JAKMIP1: variants seen among roughly 807,000 people sequenced by gnomAD.
JAKMIP1 encodes the protein janus kinase and microtubule interacting protein 1, also known as janus kinase and microtubule-interacting protein 1.
Under a neutral mutation model 113.0 loss-of-function variants are expected in JAKMIP1, and 33 were observed. The observed-to-expected ratio is 0.29, with a 90% CI of 0.22 to 0.39. The LOEUF is 0.39. JAKMIP1 is among the 10% of genes least tolerant of loss of function. The probability of loss-of-function intolerance (pLI) is 1.00; values close to 1 mark genes in which losing one functional copy is unlikely to be tolerated. For missense variants in JAKMIP1, 813 were observed against 1,080.5 expected, an observed-to-expected ratio of 0.75 and a Z score of 3.47; for synonymous variants, 480 against 459.9, an observed-to-expected ratio of 1.04 and a Z score of -0.56.
At position 6,094,469 on chromosome 4, in the gene JAKMIP1, G is replaced by A. The variant is rs1722531913; in HGVS notation, c.625-8840C>T. 6.6e-6 allele frequency among the ~76,000 whole-genome samples: 1 copy of A among 152,168 alleles called. No individual in the cohort carries two copies. The highest frequency in any genetic ancestry group is 2.4e-5 in the African/African-American group (1 of 41,452). On this transcript the variant is annotated intron_variant, in intron 3 of 20. Transcript: ENST00000409021. This position sits in a 1 kb window ranked among gnomAD's most constrained non-coding sequence, Gnocchi z 4.2. ...GTGAGAGGGCTTGGCAGACAGGCAT[G>A]GGAGTAAACAAACCTACCAACCTCC...
At position 6,140,230 on chromosome 4, in the gene JAKMIP1, C is replaced by A. The variant is rs1042126755; in HGVS notation, c.-147-27233G>T. On this transcript the variant is annotated intron_variant, in intron 1 of 20. Transcript: ENST00000409021. This position sits in a 1 kb window ranked among gnomAD's most constrained non-coding sequence, Gnocchi z 9.4. ...TCTCCACCCGGACATTTGGGCTGCT[C>A]CCTATTTTTCTTTTTTCCTCTTTTT... Among the ~76,000 whole-genome samples the A allele has an allele frequency of 2.0e-5, 3 of 151,770 alleles. No homozygotes were observed. Among genetic ancestry groups the A allele is most frequent in the Non-Finnish European group, 2.9e-5 (2 of 67,960 alleles).
At chr4:6,056,046 G>C (rs34477846) in intron 12 of JAKMIP1, among the ~76,000 whole-genome samples, 8,154 of 133,986 alleles carry the variant, frequency 0.061, 654 homozygotes, top group African/African-American at 0.19. Context: ...ATTTCTGCAG[G>C]GTGTCCCCAG....
chr4:6,118,022 T>C (rs7668050), intron 1 of JAKMIP1, among the ~76,000 whole-genome samples: 151,465 of 152,312 alleles, frequency 0.99, 75,317 homozygotes, highest in Middle Eastern at 1. Context: ...AGACGATACA[T>C]ATCCTTCTTG....
intron 2 of JAKMIP1, among the ~76,000 whole-genome samples, chr4:6,109,355 G>T (rs376808337): frequency 2.0e-5 from 3 of 151,534 alleles, no homozygotes; most frequent in Non-Finnish European, 4.4e-5. Context: ...GGATGGTCTC[G>T]ATCTCCTGAC....
chr4:6,167,870 A>G lies in JAKMIP1; in HGVS notation c.-148+32383T>C, dbSNP rs1486709521. Reference sequence around the variant, plus strand: ...TGCTTCGGTTTAGAGCATGCCAGAAATCAGAGCTGGCTAGGACCAGTCAGG... The same window carrying G: ...TGCTTCGGTTTAGAGCATGCCAGAAGTCAGAGCTGGCTAGGACCAGTCAGG... On this transcript the variant is annotated intron_variant, in intron 1 of 20. Coordinates refer to ENST00000409021, the MANE Select transcript of JAKMIP1 (RefSeq NM_001099433.2). The surrounding 1 kb of genome is among the most constrained non-coding windows in gnomAD (Gnocchi z 5.3). Among the ~76,000 whole-genome samples the G allele has an allele frequency of 6.6e-6, 1 of 152,250 alleles. No homozygotes were observed. The highest frequency in any genetic ancestry group is 1.5e-5 in the Non-Finnish European group (1 of 68,042).
At chr4:6,066,299 CAAGG>C (rs1718070431) in intron 8 of JAKMIP1, among the ~76,000 whole-genome samples, 1 of 152,138 alleles carries the variant, frequency 6.6e-6, no homozygotes, top group Non-Finnish European at 1.5e-5. Context: ...AGACATAAGG[CAAGG>C]AAGAAGATGC....
Position 6,157,300 on chromosome 4 carries a change from T to A in JAKMIP1, c.-148+42953A>T, listed in dbSNP as rs1009791636. Among the ~76,000 whole-genome samples, 40 of 152,140 alleles carry A rather than the reference T, an allele frequency of 2.6e-4. No homozygotes were observed. Among genetic ancestry groups the A allele is most frequent in the African/African-American group, 9.2e-4 (38 of 41,428 alleles). ...CAAAATGGACTAAGACGAGTGCACC[T>A]GGGCAGGTTACTCCCTCTGCAAAAA... On this transcript the variant is annotated intron_variant, in intron 1 of 20. Coordinates refer to ENST00000409021, the MANE Select transcript of JAKMIP1 (RefSeq NM_001099433.2). This position sits in a 1 kb window ranked among gnomAD's most constrained non-coding sequence, Gnocchi z 4.7.
Position 6,046,815 on chromosome 4 carries a change from G to A in JAKMIP1, c.2028+2042C>T, listed in dbSNP as rs80351144. Among the ~76,000 whole-genome samples, 181 of 152,292 alleles carry A rather than the reference G, an allele frequency of 1.2e-3. 1 individual carries two copies. In the East Asian group the frequency reaches 0.012, roughly 10 times the overall value. ...GCGTGGGGAGGGGTACATCAGGAAC[G>A]GCTCAGGTGGGAGAACTCAGCGCCC... On this transcript the variant is annotated intron_variant, in intron 16 of 20. Transcript: ENST00000409021.
intron 3 of JAKMIP1, among the ~76,000 whole-genome samples, chr4:6,090,193 G>C (rs1472657797): frequency 3.3e-5 from 5 of 151,778 alleles, no homozygotes; most frequent in African/African-American, 1.2e-4. Context: ...CTGCACTCCA[G>C]CCTGGGTGAC....
Position 6,108,988 on chromosome 4 carries a change from G to A in JAKMIP1, c.130-3021C>T, listed in dbSNP as rs980199918. Among the ~76,000 whole-genome samples the A allele has an allele frequency of 7.2e-5, 11 of 152,232 alleles. No homozygotes were observed. Among genetic ancestry groups the A allele is most frequent in the African/African-American group, 1.7e-4 (7 of 41,454 alleles). The stretch of plus-strand genomic sequence containing the variant: ...GAGAGGGCCTAGAAACAATGACACC[G>A]CAGCAGTGATGGGCACGCCTGGTGC... On this transcript the variant is annotated intron_variant, in intron 2 of 20. Transcript: ENST00000409021. The surrounding 1 kb of genome is among the most constrained non-coding windows in gnomAD (Gnocchi z 5.6).
At chr4:6,149,814 C>T (rs982318967) in intron 1 of JAKMIP1, among the ~76,000 whole-genome samples, 2 of 152,018 alleles carry the variant, frequency 1.3e-5, no homozygotes, top group Non-Finnish European at 2.9e-5. Flanking sequence ...CGCCCAGGCT[C>T]GAAAGCATCT....
chr4:6,079,377 T>C (rs1020373650), intron 7 of JAKMIP1, among the ~76,000 whole-genome samples: 1 of 151,336 alleles, frequency 6.6e-6, no homozygotes, highest in Non-Finnish European at 1.5e-5. Flanking sequence ...GATGGATGGG[T>C]GAAAGGAAGA....
In JAKMIP1 at chr4:6,040,084, C is replaced by T. The variant is rs554544751; in HGVS notation, c.2175+555G>A. Among the ~76,000 whole-genome samples, 5 of 152,322 alleles carry T rather than the reference C, an allele frequency of 3.3e-5. No individual in the cohort carries two copies. The highest frequency in any genetic ancestry group is 4.1e-4 in the South Asian group (2 of 4,822). On this transcript the variant is annotated intron_variant, in intron 18 of 20. Transcript: ENST00000409021. This position sits in a 1 kb window ranked among gnomAD's most constrained non-coding sequence, Gnocchi z 5.8. Reference sequence around the variant, plus strand: ...CTCCACCCCGAAGGAGAATTTCTCTCGTGCCAGGAGCACTTAGCTTTGAGT... The same window carrying T: ...CTCCACCCCGAAGGAGAATTTCTCTTGTGCCAGGAGCACTTAGCTTTGAGT...
intron 1 of JAKMIP1, among the ~76,000 whole-genome samples, chr4:6,190,169 G>T (rs1727091931): frequency 6.7e-6 from 1 of 150,328 alleles, no homozygotes; most frequent in South Asian, 2.2e-4. Flanking sequence ...GGTTCATGGG[G>T]GAAATGATGG....
Position 6,155,863 on chromosome 4 carries a change from G to A in JAKMIP1, c.-147-42866C>T, listed in dbSNP as rs1260823426. Among the ~76,000 whole-genome samples the A allele has an allele frequency of 6.6e-6, 1 of 152,140 alleles. No individual in the cohort carries two copies. Among genetic ancestry groups the A allele is most frequent in the Non-Finnish European group, 1.5e-5 (1 of 68,032 alleles). ...GGTCCTGCCCTAGACCTCATGAATG[G>A]CACTCTCTAGAGGTGGGGCCTGGCA... On this transcript the variant is annotated intron_variant, in intron 1 of 20. Transcript: ENST00000409021. The surrounding 1 kb of genome is among the most constrained non-coding windows in gnomAD (Gnocchi z 6.1).
In JAKMIP1 at chr4:6,181,584, G is replaced by C. The variant is rs7683821; in HGVS notation, c.-148+18669C>G. On this transcript the variant is annotated intron_variant, in intron 1 of 20. Transcript: ENST00000409021. The surrounding 1 kb of genome is among the most constrained non-coding windows in gnomAD (Gnocchi z 5.4). The stretch of plus-strand genomic sequence containing the variant: ...GGGCCTATGGGTGCCAGCGTGGTGA[G>C]GGAAGGGACATCCAAAGTGGGCTGT... Among the ~76,000 whole-genome samples the C allele has an allele frequency of 0.97, 147,732 of 152,316 alleles. 71,801 individuals are homozygous for C. Among genetic ancestry groups the C allele is most frequent in the East Asian group, 1 (5,173 of 5,174 alleles).
At chr4:6,047,668 G>A (rs1392012065) in intron 16 of JAKMIP1, among the ~76,000 whole-genome samples, 1 of 152,188 alleles carries the variant, frequency 6.6e-6, no homozygotes, top group Non-Finnish European at 1.5e-5. Flanking sequence ...TTGATTGAGG[G>A]ATTGAACAGA....
intron 1 of JAKMIP1, among the ~76,000 whole-genome samples, chr4:6,161,994 T>A (rs993211041): frequency 1.3e-5 from 2 of 152,190 alleles, no homozygotes; most frequent in Non-Finnish European, 2.9e-5. Context: ...CCACGGTGTC[T>A]GCCTCACACC....
In JAKMIP1 at chr4:6,062,427, T is replaced by G; in HGVS notation, c.1445A>C (p.Glu482Ala). The change falls in exon 10 of 21, where the codon GAG (glutamate) becomes GCG (alanine). Residue 482 changes from glutamate to alanine, a missense_variant. Physicochemically the swap from Glu to Ala is moderately radical, Grantham distance 107 (BLOSUM62 -1). Around this residue, in one of 2 missense-constraint regions of JAKMIP1, gnomAD observed 540 missense variants for 653.9 expected, o/e 0.83. Transcript: ENST00000409021. The part of the protein sequence containing the change: ...EEDLDDATAR[E>A]EADLRFCQLT... ...CTGGCAGAAGCGCAGGTCAGCCTCC[T>G]CTCGGGCTGTGGCCTTCACATAATG... is the stretch of plus-strand genomic sequence containing the variant. 1 of 1,613,394 alleles carries G rather than the reference T, an allele frequency of 6.2e-7. No homozygotes were observed. The highest frequency in any genetic ancestry group is 8.5e-7 in the Non-Finnish European group (1 of 1,179,586).
Sources: allele counts gnomAD v4.1 joint callset (sites outside exome capture counted in the v4.1 genomes callset), GRCh38; gene constraint gnomAD v4.1.1; regional missense constraint gnomAD v4.1.1; non-coding constraint Gnocchi (gnomAD v3.1); transcripts MANE v1.5; gene names NCBI Gene and HGNC (gene_info 2026-07-23, HGNC 2026-07-21).